ARPP21: variants seen among roughly 807,000 people sequenced by gnomAD.
ARPP21 encodes the protein cAMP regulated phosphoprotein 21.
A neutral mutation model predicts 113.2 loss-of-function variants in ARPP21; 69 were observed. The ratio of observed to expected loss-of-function variants is 0.61; its 90% CI spans 0.50 to 0.74. ARPP21 has a LOEUF of 0.74. Ranked by LOEUF, ARPP21 falls within the 30% of genes least tolerant of loss-of-function variation. ARPP21 has a pLI of 0.00. For synonymous variants in ARPP21, 368 were observed against 375.5 expected, an observed-to-expected ratio of 0.98 and a Z score of 0.23; for missense variants, 1,070 against 1,037.4, an observed-to-expected ratio of 1.03 and a Z score of -0.43.
chr3:35,715,280 C>T (rs1410221524), intron 11 of ARPP21, 159 bp from the exon 12 acceptor site: 6 of 619,836 alleles, frequency 9.7e-6, no homozygotes, highest in Non-Finnish European at 1.4e-5. Flanking sequence ...TTTTCTAATC[C>T]TAACCAACCT....
intron 1 of ARPP21, among the ~76,000 whole-genome samples, chr3:35,653,649 T>C (rs1703471845): frequency 1.3e-5 from 2 of 152,082 alleles, no homozygotes. Flanking sequence ...ATTCCATCTC[T>C]GCCTCTTACT....
At chr3:35,667,948 A>AGAGG (rs1261971316) in intron 1 of ARPP21, among the ~76,000 whole-genome samples, 12 of 58,080 alleles carry the variant, frequency 2.1e-4, no homozygotes, top group African/African-American at 7.3e-4. Flanking sequence ...GAGAAGAAGA[A>AGAGG]AAGAAGAAGA....
At chr3:35,721,406 G>C (rs1178221270) in intron 13 of ARPP21, among the ~76,000 whole-genome samples, 199 bp from the exon 14 acceptor site, 1 of 152,124 alleles carries the variant, frequency 6.6e-6, no homozygotes, top group Non-Finnish European at 1.5e-5. Flanking sequence ...TGTAACCTAT[G>C]TGTTATATGT....
At position 35,681,826 on chromosome 3, in the gene ARPP21, G is replaced by A. The variant is rs1274717652; in HGVS notation, c.75G>A (p.Glu25=). The A allele has an allele frequency of 1.2e-6, 2 of 1,612,190 alleles. No individual in the cohort carries two copies. The highest frequency in any genetic ancestry group is 4.5e-5 in the East Asian group (2 of 44,762). ...GGTEQETATP[E]NGIVKSESLD... ...CTGAGCAGGAGACGGCCACTCCAGA[G>A]AACGGCATTGTTAAATCAGAAAGTC... Residue 25 remains glutamate (E), a synonymous_variant, in exon 3 of 21, where the codon GAG becomes GAA. Coordinates refer to ENST00000684406, the MANE Select transcript of ARPP21 (RefSeq NM_001385562.1).
chr3:35,708,958 T>C lies in ARPP21; in HGVS notation c.796-11T>C. ...CTTGGATAACCCTCCTGATTTCTTTTTTCTGTTCAGCAAAACAGAATGCAT... is the reference window on the plus strand; with the variant it reads ...CTTGGATAACCCTCCTGATTTCTTTCTTCTGTTCAGCAAAACAGAATGCAT... On this transcript the variant is annotated splice_polypyrimidine_tract_variant and intron_variant, in intron 10 of 20. Transcript: ENST00000684406. 1.2e-6 allele frequency: 2 copies of C among 1,603,046 alleles called. No homozygotes were observed. The highest frequency in any genetic ancestry group is 1.1e-5 in the South Asian group (1 of 90,404).
rs193088843 is a variant in ARPP21 at position 35,733,414 on chromosome 3, G to A, written c.1460-3764G>A. ...GCCTGCTCTGCATTCAAAGTGCCCC[G>A]GCTTATTTCTGTCATTGCACTCTCT... is the stretch of plus-strand genomic sequence containing the variant. On this transcript the variant is annotated intron_variant, in intron 15 of 20. Transcript: ENST00000684406. Among the ~76,000 whole-genome samples, 381 of 152,198 alleles carry A rather than the reference G, an allele frequency of 2.5e-3. 8 individuals carry two copies. The highest frequency in any genetic ancestry group is 0.02 in the Admixed American group (303 of 15,288).
At chr3:35,683,998 G>A in intron 5 of ARPP21, 183 bp downstream of exon 5, 4 of 1,466,914 alleles carry the variant, frequency 2.7e-6, no homozygotes, top group Non-Finnish European at 3.8e-6. Context: ...TTGTCACAGA[G>A]TATTAAATTT....
In ARPP21 at chr3:35,717,294, C is replaced by T. The variant is rs977735907; in HGVS notation, c.936-4C>T. On this transcript the variant is annotated splice_polypyrimidine_tract_variant and splice_region_variant and intron_variant, in intron 12 of 20. Coordinates refer to ENST00000684406, the MANE Select transcript of ARPP21 (RefSeq NM_001385562.1). ...ATCATAAAAATCATGTTTTTCATTT[C>T]CAGTAGGCTCTTGGAAGACAGTAAC... 6.3e-7 allele frequency: 1 copy of T among 1,585,226 alleles called. No homozygotes were observed. The highest frequency in any genetic ancestry group is 1.3e-5 in the African/African-American group (1 of 74,192).
chr3:35,737,055 C>A, intron 15 of ARPP21, 123 bp from the exon 16 acceptor site: 2 of 619,078 alleles, frequency 3.2e-6, no homozygotes, highest in East Asian at 2.7e-5. Context: ...GTTTTGGGGT[C>A]TTAGATTTCC....
intron 19 of ARPP21, among the ~76,000 whole-genome samples, chr3:35,751,857 G>A (rs2095415230): frequency 6.6e-6 from 1 of 152,072 alleles, no homozygotes; most frequent in East Asian, 1.9e-4. Context: ...ACTTGTCAGA[G>A]TCTACTCTGC....
At chr3:35,684,121 CTT>C in intron 5 of ARPP21, 2 of 1,507,372 alleles carry the variant, frequency 1.3e-6, no homozygotes, top group South Asian at 2.7e-5. Flanking sequence ...CAAAGGCTCT[CTT>C]TTGATAAGGC....
intron 1 of ARPP21, among the ~76,000 whole-genome samples, chr3:35,677,812 G>A (rs924768362): frequency 2.0e-5 from 3 of 151,976 alleles, no homozygotes; most frequent in Non-Finnish European, 4.4e-5. Context: ...AAATGGCAGT[G>A]GAAGAGTCCG....
chr3:35,782,412 T>C (rs2096544580), intron 19 of ARPP21, among the ~76,000 whole-genome samples: 1 of 152,172 alleles, frequency 6.6e-6, no homozygotes, highest in Non-Finnish European at 1.5e-5. Context: ...TTCAGGTTCT[T>C]CTCAGAAGTT....
intron 19 of ARPP21, among the ~76,000 whole-genome samples, chr3:35,752,776 C>G (rs1213085306): frequency 6.6e-6 from 1 of 152,004 alleles, no homozygotes; most frequent in East Asian, 1.9e-4. Context: ...TCATTGCCAG[C>G]TCATATACAA....
intron 1 of ARPP21, among the ~76,000 whole-genome samples, chr3:35,654,244 A>G (rs1226907430): frequency 6.6e-6 from 1 of 151,886 alleles, no homozygotes; most frequent in Non-Finnish European, 1.5e-5. Context: ...TTGCATTTTC[A>G]TTTTTTTTCC....
intron 1 of ARPP21, among the ~76,000 whole-genome samples, chr3:35,667,641 A>T (rs1420281564): frequency 6.6e-6 from 1 of 152,058 alleles, no homozygotes; most frequent in African/African-American, 2.4e-5. Flanking sequence ...GAGGTGCTAG[A>T]TTAAAAGAAG....
chr3:35,712,509 G>GGTGTGTGTGTGT (rs1368619808), intron 11 of ARPP21, among the ~76,000 whole-genome samples: 3 of 108,448 alleles, frequency 2.8e-5, no homozygotes, highest in African/African-American at 1.2e-4. Flanking sequence ...TGGTGTCTAA[G>GGTGTGTGTGTGT]GTGTCTGTGT....
At chr3:35,683,232 A>G (rs753069751) in intron 4 of ARPP21, among the ~76,000 whole-genome samples, 2 of 151,714 alleles carry the variant, frequency 1.3e-5, no homozygotes, top group Non-Finnish European at 2.9e-5. Context: ...TACAAAACAA[A>G]TGACCATTTG....
rs756799201 is a variant in ARPP21 at position 35,738,274 on chromosome 3, C to T, written c.1705C>T (p.Pro569Ser). 29 of 1,536,024 alleles carry T rather than the reference C, an allele frequency of 1.9e-5. No homozygotes were observed. The African/African-American group carries it at 2.3e-4, about 12-fold the overall frequency. The change falls in exon 17 of 21, where the codon CCC becomes TCC. Residue 569 changes from proline (P) to serine (S), a missense_variant. By Grantham distance (74) the Pro-to-Ser change is moderately conservative. Transcript: ENST00000684406. Reference sequence around the variant, plus strand: ...GCAATATCCAGCAGTCTCTTTTCCTCCCCAGCACCTCCTACCTGTGTCTCC... The same window carrying T: ...GCAATATCCAGCAGTCTCTTTTCCTTCCCAGCACCTCCTACCTGTGTCTCC... ...SVQYPAVSFP[P>S]QHLLPVSPTQ...
Sources: gnomAD v4.1 joint callset for allele counts (sites outside exome capture counted in the v4.1 genomes callset) on GRCh38, gnomAD v4.1.1 for gene constraint, MANE v1.5 for transcripts, NCBI Gene and HGNC (gene_info 2026-07-23, HGNC 2026-07-21) for gene names.